The following MYO19 variants were observed in gnomAD, a reference collection of about 807,000 sequenced individuals.
MYO19 encodes the protein unconventional myosin-XIX.
In MYO19, 132 loss-of-function variants were observed where a neutral mutation model predicts 129.2. The observed-to-expected ratio is 1.02, with a 90% CI of 0.89 to 1.18. The LOEUF (loss-of-function observed/expected upper bound fraction) is 1.18. Among genes scored for constraint, MYO19 ranks in the 50% most tolerant of loss-of-function variants. MYO19 has a pLI of 0.00. For synonymous variants in MYO19, 531 were observed against 477.2 expected (o/e 1.11, Z -1.47); for missense variants, 1,210 against 1,216.7 (o/e 0.99, Z 0.08).
chr17:36,507,729 A>C (rs2072017620), intron 15 of MYO19, 74 bp downstream of exon 15: 2 of 1,484,816 alleles, frequency 1.3e-6, no homozygotes, highest in Non-Finnish European at 1.8e-6. Flanking sequence ...CAGAACCTGG[A>C]CTGGGGCTGG....
Position 36,499,071 on chromosome 17 carries a change from T to TTG in MYO19, c.2463+3_2463+4insCA, listed in dbSNP as rs1567727525. On this transcript the variant is annotated splice_donor_region_variant and intron_variant, in intron 24 of 25. Transcript: ENST00000614623. ...CCCACCCCGACTTCTTGGGTCTTAC[T>TTG]TACTCTCCACTTCTGCCATGCACGC... The TTG allele has an allele frequency of 6.2e-7, 1 of 1,604,174 alleles. No individual in the cohort carries two copies. The highest frequency in any genetic ancestry group is 1.7e-5 in the Admixed American group (1 of 58,968).
At chr17:36,515,635 G>C (rs1280493996) in intron 7 of MYO19, among the ~76,000 whole-genome samples, 6 of 152,212 alleles carry the variant, frequency 3.9e-5, no homozygotes, top group Non-Finnish European at 1.5e-5. Flanking sequence ...CGACTGTTAT[G>C]TGTGCCTAGG....
chr17:36,541,137 C>T (rs1036060619), intron 2 of MYO19, among the ~76,000 whole-genome samples: 2 of 151,858 alleles, frequency 1.3e-5, no homozygotes, highest in African/African-American at 2.4e-5. Context: ...TTATTAGAGA[C>T]GGGGTTTCAC....
chr17:36,535,772 C>T (rs924967102), upstream of MYO19: 15 of 152,294 alleles, frequency 9.8e-5, no homozygotes, highest in African/African-American at 3.1e-4. Flanking sequence ...ATCCTCCCGC[C>T]TCAGCCTGGC....
At chr17:36,525,439 G>C (rs1346289924) in intron 5 of MYO19, 98 bp from the exon 6 acceptor site, 1 of 877,714 alleles carries the variant, frequency 1.1e-6, no homozygotes, top group Non-Finnish European at 1.8e-6. Context: ...GCCAATAGCA[G>C]TGGTGGGATG....
Position 36,516,068 on chromosome 17 carries a change from A to G in MYO19, c.415-78T>C, listed in dbSNP as rs958509089. 5 of 1,462,314 alleles carry G rather than the reference A, an allele frequency of 3.4e-6. No homozygotes were observed. In the African/African-American group the frequency reaches 7.0e-5, roughly 20 times the overall value. The allele number at this position is 1,462,314 out of a possible 1,614,324, so 90.6% of individuals were successfully genotyped here. A position where few individuals can be genotyped will look rare whatever the true frequency, so the allele number is the denominator to read the frequency against. On this transcript the variant is annotated intron_variant, in intron 6 of 25. Transcript: ENST00000614623. ...GAGCCTGCCTGAGAGAACAGTGCCC[A>G]CCAGAGCTCTCTTCTCCACCAGTGT...
intron 11 of MYO19, among the ~76,000 whole-genome samples, chr17:36,511,788 C>T (rs72818346): frequency 0.053 from 8,083 of 152,258 alleles, 317 homozygotes; most frequent in East Asian, 0.15. Flanking sequence ...CCCACCCATC[C>T]TCTACATTTC....
At chr17:36,525,426 G>C in intron 5 of MYO19, 85 bp from the exon 6 acceptor site, 45 of 991,036 alleles carry the variant, frequency 4.5e-5, no homozygotes, top group African/African-American at 1.6e-5. Flanking sequence ...AGATGGGGAG[G>C]CTGCCAATAG....
intron 2 of MYO19, among the ~76,000 whole-genome samples, chr17:36,541,735 T>G (rs563972548): frequency 6.6e-6 from 1 of 152,356 alleles, no homozygotes; most frequent in East Asian, 1.9e-4. Context: ...TGTCTTTTAA[T>G]GTAGCAATTA....
intron 11 of MYO19, 129 bp from the exon 12 acceptor site, chr17:36,511,584 T>A: frequency 1.3e-6 from 1 of 755,966 alleles, no homozygotes; most frequent in East Asian, 2.7e-5. Flanking sequence ...CAAGTGCCCA[T>A]CTCTGCCAGA....
chr17:36,537,470 A>G (rs2074158067), upstream of MYO19: 1 of 1,614,186 alleles, frequency 6.2e-7, no homozygotes, highest in East Asian at 2.2e-5. Context: ...GTCTAGAATC[A>G]GAATACAATC....
At position 36,503,004 on chromosome 17, in the gene MYO19, G is replaced by T. The variant is rs1433761928; in HGVS notation, c.2080+93C>A. 4 of 1,054,486 alleles carry T rather than the reference G, an allele frequency of 3.8e-6. No individual in the cohort carries two copies. In the African/African-American group the frequency reaches 6.3e-5, roughly 17 times the overall value. The allele number at this position is 1,054,486 out of a possible 1,614,324, so 65.3% of individuals were successfully genotyped here. ...AACCAGGGCTGTGTTTTATTCACCAGTAAGCCCCAGCCCCTAGCCCTAAGA... is the reference window on the plus strand; with the variant it reads ...AACCAGGGCTGTGTTTTATTCACCATTAAGCCCCAGCCCCTAGCCCTAAGA... On this transcript the variant is annotated intron_variant, in intron 21 of 25. Transcript: ENST00000614623.
chr17:36,502,629 G>C (rs947726329), intron 21 of MYO19, among the ~76,000 whole-genome samples: 7 of 152,126 alleles, frequency 4.6e-5, no homozygotes, highest in African/African-American at 1.7e-4. Context: ...TGCAGTGCCT[G>C]CTCATCTGCC....
intron 14 of MYO19, 121 bp downstream of exon 14, chr17:36,508,941 G>A (rs920567584): frequency 1.3e-6 from 1 of 794,218 alleles, no homozygotes; most frequent in African/African-American, 1.7e-5. Context: ...GATGCAAGAG[G>A]AGACAAAAAA....
Position 36,528,186 on chromosome 17 carries a change from G to C in MYO19, c.29C>G (p.Pro10Arg), listed in dbSNP as rs372683239. 1.3e-6 allele frequency: 2 copies of C among 1,589,096 alleles called. No individual in the cohort carries two copies. The highest frequency in any genetic ancestry group is 1.7e-6 in the Non-Finnish European group (2 of 1,166,988). Residue 10 changes from proline to arginine, a missense_variant, in exon 4 of 26, where the codon CCG (proline) becomes CGG (arginine). Physicochemically the swap from Pro to Arg is moderately radical, Grantham distance 103. Transcript: ENST00000614623. ...CTCCCTGGCTTGGCCATCAGACCCCGGATTGTGGCCATTGACCTGGAAGAG... is the reference window on the plus strand; with the variant it reads ...CTCCCTGGCTTGGCCATCAGACCCCCGATTGTGGCCATTGACCTGGAAGAG... MLQQVNGHN[P>R]GSDGQAREYL...
upstream of MYO19, among the ~76,000 whole-genome samples, chr17:36,544,441 A>G (rs528437484): frequency 2.5e-4 from 38 of 152,114 alleles, no homozygotes; most frequent in South Asian, 1.2e-3. Flanking sequence ...TCACCCCCCG[A>G]TGCTCGTCTC....
chr17:36,518,558 A>ATATATG (rs1208316206), intron 6 of MYO19, among the ~76,000 whole-genome samples: 2 of 112,408 alleles, frequency 1.8e-5, no homozygotes, highest in African/African-American at 6.7e-5. Context: ...ATATATGTGT[A>ATATATG]TGTGTATATA....
Position 36,506,944 on chromosome 17 carries a change from G to T in MYO19, c.1644+19C>A. 1.3e-6 allele frequency: 2 copies of T among 1,566,548 alleles called. No individual in the cohort carries two copies. Among genetic ancestry groups the T allele is most frequent in the Non-Finnish European group, 1.7e-6 (2 of 1,150,252 alleles). Reference sequence around the variant, plus strand: ...ATCTCGTTTCTCGCAGGCCCCACAGGGCATGGCCCAGCCCGTACCTTGTTC... The same window carrying T: ...ATCTCGTTTCTCGCAGGCCCCACAGTGCATGGCCCAGCCCGTACCTTGTTC... On this transcript the variant is annotated intron_variant, in intron 17 of 25. Transcript: ENST00000614623.
intron 20 of MYO19, among the ~76,000 whole-genome samples, chr17:36,503,475 G>A (rs905195856): frequency 7.2e-5 from 11 of 152,306 alleles, no homozygotes; most frequent in Non-Finnish European, 1.2e-4. Context: ...GGGGATTTGC[G>A]GGCTGCCTCC....
Sources: gnomAD v4.1 joint callset for allele counts (sites outside exome capture counted in the v4.1 genomes callset) on GRCh38, gnomAD v4.1.1 for gene constraint, MANE v1.5 for transcripts, NCBI Gene and HGNC (gene_info 2026-07-23, HGNC 2026-07-21) for gene names.